The following KIRREL3 variants were observed in gnomAD, a reference collection of about 807,000 sequenced individuals.
The protein encoded by KIRREL3 is kirre like nephrin family adhesion molecule 3, also known as kin of IRRE-like protein 3.
Under a neutral mutation model 89.7 loss-of-function variants are expected in KIRREL3, and 36 were observed. The ratio of observed to expected loss-of-function variants is 0.40; its 90% CI spans 0.31 to 0.53. The LOEUF (loss-of-function observed/expected upper bound fraction) is 0.53, where lower values mean the gene tolerates loss of function less well. Ranked by LOEUF, KIRREL3 falls within the 20% of genes least tolerant of loss-of-function variation. The probability of loss-of-function intolerance (pLI) is 0.49; values close to 1 mark genes in which losing one functional copy is unlikely to be tolerated. For synonymous variants in KIRREL3, 445 were observed against 441.4 expected (o/e 1.01, Z -0.10); for missense variants, 864 against 1,056.6 (o/e 0.82, Z 2.53).
rs1950293995 is a variant in KIRREL3 at position 127,000,528 on chromosome 11, A to C, written c.-19T>G. 1.9e-6 allele frequency: 3 copies of C among 1,598,008 alleles called. No homozygotes were observed. Among genetic ancestry groups the C allele is most frequent in the Non-Finnish European group, 2.6e-6 (3 of 1,172,432 alleles). On this transcript the variant is annotated 5_prime_UTR_variant, in exon 1 of 17. Coordinates refer to ENST00000525144, the MANE Select transcript of KIRREL3 (RefSeq NM_032531.4). This position sits in a 1 kb window ranked among gnomAD's most constrained non-coding sequence, Gnocchi z 7.1. Reference sequence around the variant, plus strand: ...GTTTCATTCCTTAGCGCAGCGAAGGAAAGCCGGCGGGGTAACTTGGCTGTG... The same window carrying C: ...GTTTCATTCCTTAGCGCAGCGAAGGCAAGCCGGCGGGGTAACTTGGCTGTG...
chr11:126,718,814 C>T lies in KIRREL3; in HGVS notation c.56-155902G>A, dbSNP rs560426490. ...GCTAGGGATTAGGGTCACACCACCC[C>T]GGCCAGGAGCCCCATTGATACGATA... On this transcript the variant is annotated intron_variant, in intron 1 of 16. Transcript: ENST00000525144. Among the ~76,000 whole-genome samples, 8 of 152,226 alleles carry T rather than the reference C, an allele frequency of 5.3e-5. No homozygotes were observed. In the South Asian group the frequency reaches 8.3e-4, roughly 16 times the overall value.
Position 126,970,849 on chromosome 11 carries a change from A to G in KIRREL3, c.55+29606T>C, listed in dbSNP as rs1949408891. Among the ~76,000 whole-genome samples, 1 of 152,170 alleles carries G rather than the reference A, an allele frequency of 6.6e-6. No homozygotes were observed. The highest frequency in any genetic ancestry group is 2.4e-5 in the African/African-American group (1 of 41,452). ...GGACCCATAGAAACACTTGCAAATTAGGATCCAATGAGGCTCACCTGCTGC... is the reference window on the plus strand; with the variant it reads ...GGACCCATAGAAACACTTGCAAATTGGGATCCAATGAGGCTCACCTGCTGC... On this transcript the variant is annotated intron_variant, in intron 1 of 16. Transcript: ENST00000525144. This position sits in a 1 kb window ranked among gnomAD's most constrained non-coding sequence, Gnocchi z 4.4.
At position 126,562,202 on chromosome 11, in the gene KIRREL3, C is replaced by A. The variant is rs908325573; in HGVS notation, c.133+633G>T. Among the ~76,000 whole-genome samples the A allele has an allele frequency of 6.6e-6, 1 of 152,094 alleles. No individual in the cohort carries two copies. Among genetic ancestry groups the A allele is most frequent in the South Asian group, 2.1e-4 (1 of 4,820 alleles). On this transcript the variant is annotated intron_variant, in intron 2 of 16. Coordinates refer to ENST00000525144, the MANE Select transcript of KIRREL3 (RefSeq NM_032531.4). This position sits in a 1 kb window ranked among gnomAD's most constrained non-coding sequence, Gnocchi z 4.7. ...GATTGGTTCTTTATTACAGCAGACC[C>A]GTAAGTGACAGCACTCCTCCTCCCA... is the stretch of plus-strand genomic sequence containing the variant.
rs561762630 is a variant in KIRREL3, at chr11:126,744,182, C to A, written c.56-181270G>T. Reference sequence around the variant, plus strand: ...TGGAAGGCTTCCAATGGCTGAAGGGCCTTGGGTGCCAGTCAAGGGACAAAA... The same window carrying A: ...TGGAAGGCTTCCAATGGCTGAAGGGACTTGGGTGCCAGTCAAGGGACAAAA... On this transcript the variant is annotated intron_variant, in intron 1 of 16. Coordinates refer to ENST00000525144, the MANE Select transcript of KIRREL3 (RefSeq NM_032531.4). The surrounding 1 kb of genome is among the most constrained non-coding windows in gnomAD (Gnocchi z 4.7). Among the ~76,000 whole-genome samples, 1 of 151,622 alleles carries A rather than the reference C, an allele frequency of 6.6e-6. No individual in the cohort carries two copies. Among genetic ancestry groups the A allele is most frequent in the Admixed American group, 6.6e-5 (1 of 15,252 alleles).
intron 1 of KIRREL3, among the ~76,000 whole-genome samples, chr11:126,972,408 C>G (rs1949451657): frequency 6.6e-6 from 1 of 152,158 alleles, no homozygotes; most frequent in African/African-American, 2.4e-5. Context: ...GCTTTTCCAG[C>G]CTCCCTTGCA....
At position 126,553,247 on chromosome 11, in the gene KIRREL3, T is replaced by C. The variant is rs1939428272; in HGVS notation, c.133+9588A>G. ...AATGATGGTCAGCTGTCCAAATGCA[T>C]ACAATATCTTCTGTTCCATTTTTTT... On this transcript the variant is annotated intron_variant, in intron 2 of 16. Transcript: ENST00000525144. The surrounding 1 kb of genome is among the most constrained non-coding windows in gnomAD (Gnocchi z 4.7). 6.7e-6 allele frequency among the ~76,000 whole-genome samples: 1 copy of C among 150,260 alleles called. No individual in the cohort carries two copies. Among genetic ancestry groups the C allele is most frequent in the South Asian group, 2.1e-4 (1 of 4,808 alleles).
intron 1 of KIRREL3, among the ~76,000 whole-genome samples, chr11:126,899,815 A>G (rs143230834): frequency 2.6e-5 from 4 of 152,354 alleles, no homozygotes; most frequent in African/African-American, 9.6e-5. Context: ...GTTTACAAGT[A>G]ATCCTCAAAC....
At chr11:126,688,206 C>A (rs1370843941) in intron 1 of KIRREL3, among the ~76,000 whole-genome samples, 1 of 152,204 alleles carries the variant, frequency 6.6e-6, no homozygotes, top group Non-Finnish European at 1.5e-5. Flanking sequence ...ACCTCTTCAC[C>A]CAGCTCTGGC....
chr11:126,521,195 G>T lies in KIRREL3; in HGVS notation c.433+120C>A. 1 of 1,076,938 alleles carries T rather than the reference G, an allele frequency of 9.3e-7. No individual in the cohort carries two copies. The highest frequency in any genetic ancestry group is 1.3e-6 in the Non-Finnish European group (1 of 795,128). 66.7% of individuals were successfully genotyped at this position (1,076,938 alleles called of 1,614,324 possible). A position where few individuals can be genotyped will look rare whatever the true frequency, so the allele number is the denominator to read the frequency against. ...TATTGTGGAAGCAGCAGTGTCTGGA[G>T]CCCTGTGGGATGATCCCCAGAGGGG... On this transcript the variant is annotated intron_variant, in intron 4 of 16. Coordinates refer to ENST00000525144, the MANE Select transcript of KIRREL3 (RefSeq NM_032531.4). The surrounding 1 kb of genome is among the most constrained non-coding windows in gnomAD (Gnocchi z 4.1).
At chr11:126,707,583 G>C (rs1035172483) in intron 1 of KIRREL3, among the ~76,000 whole-genome samples, 2 of 152,134 alleles carry the variant, frequency 1.3e-5, no homozygotes, top group African/African-American at 4.8e-5. Context: ...CTGCTTCTTA[G>C]CCTTTCCAGT....
intron 1 of KIRREL3, among the ~76,000 whole-genome samples, chr11:126,801,953 G>A (rs1392323669): frequency 6.6e-6 from 1 of 151,972 alleles, no homozygotes; most frequent in African/African-American, 2.4e-5. Flanking sequence ...AATTGAATCA[G>A]TATCCTAAAA....
At position 126,535,252 on chromosome 11, in the gene KIRREL3, C is replaced by A. The variant is rs1424348950; in HGVS notation, c.134-8565G>T. Reference sequence around the variant, plus strand: ...TCCCTCCTGCGCTTACTCCTGCCTCCTGTCAGCCCACCCGGCTTCCAACCT... The same window carrying A: ...TCCCTCCTGCGCTTACTCCTGCCTCATGTCAGCCCACCCGGCTTCCAACCT... On this transcript the variant is annotated intron_variant, in intron 2 of 16. Transcript: ENST00000525144. The surrounding 1 kb of genome is among the most constrained non-coding windows in gnomAD (Gnocchi z 4.5). Among the ~76,000 whole-genome samples, 3 of 152,176 alleles carry A rather than the reference C, an allele frequency of 2.0e-5. No individual in the cohort carries two copies. Among genetic ancestry groups the A allele is most frequent in the African/African-American group, 7.2e-5 (3 of 41,432 alleles).
rs34610586 is a variant in KIRREL3 at position 126,585,959 on chromosome 11, G to A, written c.56-23047C>T. On this transcript the variant is annotated intron_variant, in intron 1 of 16. Coordinates refer to ENST00000525144, the MANE Select transcript of KIRREL3 (RefSeq NM_032531.4). ...TTGGCAAATAAATATGATATCATAA[G>A]CCCTGGCAGGATTCCAGCCTGAGTA... is the stretch of plus-strand genomic sequence containing the variant. Among the ~76,000 whole-genome samples the A allele has an allele frequency of 3.3e-3, 504 of 152,352 alleles. 3 individuals carry two copies. The highest frequency in any genetic ancestry group is 0.012 in the Admixed American group (180 of 15,304).
In KIRREL3 at chr11:126,931,392, T is replaced by G. The variant is rs574700658; in HGVS notation, c.55+69063A>C. On this transcript the variant is annotated intron_variant, in intron 1 of 16. Coordinates refer to ENST00000525144, the MANE Select transcript of KIRREL3 (RefSeq NM_032531.4). This position sits in a 1 kb window ranked among gnomAD's most constrained non-coding sequence, Gnocchi z 5.1. ...TTCCTTCCTCCCTACCCCACCCTAC[T>G]TTCCTGTCAATCACTCCACAAGCAT... Among the ~76,000 whole-genome samples, 12 of 152,286 alleles carry G rather than the reference T, an allele frequency of 7.9e-5. No homozygotes were observed. The East Asian group carries it at 2.1e-3, about 27-fold the overall frequency.
intron 1 of KIRREL3, among the ~76,000 whole-genome samples, chr11:126,888,791 G>A (rs554563607): frequency 2.6e-5 from 4 of 152,292 alleles, no homozygotes; most frequent in African/African-American, 9.6e-5. Flanking sequence ...CAGTAGCACT[G>A]ACCCATTTCA....
At chr11:126,504,029 A>G (rs1037303363) in intron 4 of KIRREL3, among the ~76,000 whole-genome samples, 1 of 152,164 alleles carries the variant, frequency 6.6e-6, no homozygotes, top group Non-Finnish European at 1.5e-5. Context: ...TAAATTTTAA[A>G]CTTTAAACTT....
rs986051443 is a variant in KIRREL3, at chr11:126,774,428, TAAAC to T, written c.56-211520_56-211517del. On this transcript the variant is annotated intron_variant, in intron 1 of 16. Transcript: ENST00000525144. ...CTTGGCCTTTGACTTTGTTCTCAGA[TAAAC>T]AAACAAAGAGCTATGGGTGAGATCT... Among the ~76,000 whole-genome samples, 6 of 152,272 alleles carry T rather than the reference TAAAC, an allele frequency of 3.9e-5. No homozygotes were observed. In the South Asian group the frequency reaches 6.2e-4, roughly 16 times the overall value.
chr11:126,987,090 G>A lies in KIRREL3; in HGVS notation c.55+13365C>T, dbSNP rs1007267279. 5.9e-5 allele frequency among the ~76,000 whole-genome samples: 9 copies of A among 152,148 alleles called. No individual in the cohort carries two copies. Among genetic ancestry groups the A allele is most frequent in the African/African-American group, 1.4e-4 (6 of 41,434 alleles). ...CTGCAGACCACACTTGAAGAACCAC[G>A]GTGATAGAGAATCTACGAACTCAGA... On this transcript the variant is annotated intron_variant, in intron 1 of 16. Coordinates refer to ENST00000525144, the MANE Select transcript of KIRREL3 (RefSeq NM_032531.4). This position sits in a 1 kb window ranked among gnomAD's most constrained non-coding sequence, Gnocchi z 4.6.
chr11:126,770,008 C>A (rs1949969008), intron 1 of KIRREL3, among the ~76,000 whole-genome samples: 2 of 152,114 alleles, frequency 1.3e-5, no homozygotes, highest in South Asian at 4.1e-4. Context: ...ATGTGCAGAT[C>A]CCATTAAAAT....
Sources: gnomAD v4.1 joint callset for allele counts (sites outside exome capture counted in the v4.1 genomes callset) on GRCh38, gnomAD v4.1.1 for gene constraint, Gnocchi (gnomAD v3.1) non-coding constraint, MANE v1.5 for transcripts, NCBI Gene and HGNC (gene_info 2026-07-23, HGNC 2026-07-21) for gene names.